Variants in NEB observed in about 807,000 individuals in gnomAD.
NEB encodes the protein nebulin.
In NEB, 512 loss-of-function variants were observed where a neutral mutation model predicts 952.2. The ratio of observed to expected loss-of-function variants is 0.54; its 90% CI spans 0.50 to 0.58. NEB has a LOEUF of 0.58. NEB is among the 20% of genes least tolerant of loss of function. The probability of loss-of-function intolerance (pLI) is 0.00; values close to 1 mark genes in which losing one functional copy is unlikely to be tolerated. For synonymous variants in NEB, 2,900 were observed against 3,149.8 expected, an observed-to-expected ratio of 0.92 and a Z score of 2.66; for missense variants, 8,428 against 9,231.1, an observed-to-expected ratio of 0.91 and a Z score of 3.56.
Position 151,521,339 on chromosome 2 carries a change from C to T in NEB, c.22480-1571G>A, listed in dbSNP as rs549721052. On this transcript the variant is annotated intron_variant, in intron 153 of 181. Coordinates refer to ENST00000397345, the MANE Select transcript of NEB (RefSeq NM_001164508.2). ...CATGATGCAGGCACACTGAGACACA[C>T]AAAGTAAAGGAAAAAGAAACGTAAA... Among the ~76,000 whole-genome samples the T allele has an allele frequency of 1.4e-3, 217 of 152,220 alleles. 1 individual carries two copies. The highest frequency in any genetic ancestry group is 5.0e-3 in the African/African-American group (207 of 41,534).
chr2:151,527,788 G>A (rs566270715), intron 146 of NEB, among the ~76,000 whole-genome samples: 347 of 152,266 alleles, frequency 2.3e-3, no homozygotes, highest in Admixed American at 3.6e-3. Flanking sequence ...CTGTGGTCCC[G>A]AAATAGAGGC....
Position 151,548,413 on chromosome 2 carries a change from G to T in NEB, c.20052C>A (p.Phe6684Leu), listed in dbSNP as rs750704829. 7.5e-6 allele frequency: 12 copies of T among 1,607,782 alleles called. No homozygotes were observed. The highest frequency in any genetic ancestry group is 9.4e-6 in the Non-Finnish European group (11 of 1,174,360). Residue 6684 changes from phenylalanine to leucine, a missense_variant and splice_region_variant, in exon 131 of 182, where the codon TTC (phenylalanine) becomes TTA (leucine). Physicochemically the swap from Phe to Leu is conservative, Grantham distance 22. Transcript: ENST00000397345. ...TGTGTTCATAGGCTTCTTTGTACTT[G>T]AACTGCAAAAGCAAAGTCAGAATGA... ...IKDTRYMSSY[F>L]KYKEAYEHTK...
intron 54 of NEB, among the ~76,000 whole-genome samples, chr2:151,648,495 T>C (rs542423844): frequency 1.1e-3 from 172 of 152,328 alleles, no homozygotes; most frequent in Non-Finnish European, 1.7e-3. Context: ...AGCAATTGCA[T>C]TGTGGTGAAG....
Position 151,631,054 on chromosome 2 carries a change from C to T in NEB, c.9618+89G>A, listed in dbSNP as rs760227684. 83 of 1,518,906 alleles carry T rather than the reference C, an allele frequency of 5.5e-5. 1 individual carries two copies. The East Asian group carries it at 1.1e-3, about 20-fold the overall frequency. The allele number at this position is 1,518,906 out of a possible 1,614,324, so 94.1% of individuals were successfully genotyped here. A position where few individuals can be genotyped will look rare whatever the true frequency, so the allele number is the denominator to read the frequency against. On this transcript the variant is annotated intron_variant, in intron 66 of 181. Transcript: ENST00000397345. ...TAAAAGGTAAAAATGCGACCCCACG[C>T]CTTCATAGATAATTTAGACTCCATT...
chr2:151,727,554 GC>G lies in NEB; in HGVS notation c.294+136del, dbSNP rs1208369619. The G allele has an allele frequency of 9.9e-6, 7 of 708,816 alleles. No individual in the cohort carries two copies. The Admixed American group carries it at 2.1e-4, about 21-fold the overall frequency. 43.9% of individuals were successfully genotyped at this position (708,816 alleles called of 1,614,324 possible). ...AAAGGAAAATTCAACAGTCACAAGAGCCTATAATTTGCAAAATAAGTTTTTG... is the reference window on the plus strand; with the variant it reads ...AAAGGAAAATTCAACAGTCACAAGAGCTATAATTTGCAAAATAAGTTTTTG... On this transcript the variant is annotated intron_variant, in intron 5 of 181. Transcript: ENST00000397345.
intron 153 of NEB, among the ~76,000 whole-genome samples, chr2:151,524,018 A>G (rs2083768127): frequency 6.6e-6 from 1 of 152,186 alleles, no homozygotes; most frequent in Non-Finnish European, 1.5e-5. Flanking sequence ...AGGCCTGGGG[A>G]GAGGTTCCAG....
intron 138 of NEB, among the ~76,000 whole-genome samples, chr2:151,539,733 C>T (rs998106629): frequency 7.2e-5 from 11 of 152,112 alleles, no homozygotes; most frequent in African/African-American, 1.9e-4. Flanking sequence ...GCCTTGCCCT[C>T]GATTGTGTGA....
intron 64 of NEB, among the ~76,000 whole-genome samples, chr2:151,634,376 G>T (rs1187723625): frequency 6.6e-6 from 1 of 152,144 alleles, no homozygotes; most frequent in East Asian, 1.9e-4. Context: ...GGGCACGGTG[G>T]CTCATGCCTG....
In NEB at chr2:151,501,436, AGTGACAG is replaced by A; in HGVS notation, c.23969_23975del (p.Pro7990LeufsTer153). ...TGAGTTTGACTCGCTCCATCTCAGG[AGTGACAG>A]GTAGGGGAGTCCCCTTGCTCAAGTT... On this transcript the variant is annotated frameshift_variant, in exon 168 of 182. Coordinates refer to ENST00000397345, the MANE Select transcript of NEB (RefSeq NM_001164508.2). LOFTEE classifies it high-confidence loss of function. 1 of 1,547,454 alleles carries A rather than the reference AGTGACAG, an allele frequency of 6.5e-7. No individual in the cohort carries two copies.
chr2:151,547,595 CT>C (rs1341977704), intron 132 of NEB, 38 bp downstream of exon 132: 2 of 1,604,114 alleles, frequency 1.2e-6, no homozygotes, highest in Middle Eastern at 3.3e-4. Flanking sequence ...ACATTCATCC[CT>C]AGTCTCTACT....
At chr2:151,647,751 A>G (rs1368232609) in intron 54 of NEB, among the ~76,000 whole-genome samples, 3 of 152,222 alleles carry the variant, frequency 2.0e-5, no homozygotes. Flanking sequence ...GCAAAGAAAC[A>G]GTGAGGAACT....
intron 141 of NEB, 117 bp downstream of exon 141, chr2:151,537,015 A>G (rs2093317646): frequency 1.2e-5 from 7 of 571,354 alleles, no homozygotes; most frequent in African/African-American, 1.9e-5. Context: ...CTCAGACTAT[A>G]AGGTCTAGAA....
chr2:151,626,872 G>T, intron 70 of NEB, 130 bp downstream of exon 70: 4 of 1,149,896 alleles, frequency 3.5e-6, no homozygotes, highest in East Asian at 5.0e-5. Flanking sequence ...ACAGAATAGA[G>T]AATTCAACTG....
Position 151,664,819 on chromosome 2 carries a change from A to G in NEB, c.5283T>C (p.His1761=). The change falls in exon 43 of 182, where the codon CAT becomes CAC. Residue 1761 remains histidine (H), a synonymous_variant. Coordinates refer to ENST00000397345, the MANE Select transcript of NEB (RefSeq NM_001164508.2). ...EKWNKDKTTI[H]VMPDTPDILL... is the part of the protein sequence containing the mutation. ...AAATATCCGGTGTGTCAGGCATGAC[A>G]TGAATGGTGGTCTTGTCCTTGTTCC... is the stretch of plus-strand genomic sequence containing the variant. 1 of 1,613,152 alleles carries G rather than the reference A, an allele frequency of 6.2e-7. No homozygotes were observed. Among genetic ancestry groups the G allele is most frequent in the South Asian group, 1.1e-5 (1 of 90,858 alleles).
chr2:151,512,900 A>G, intron 160 of NEB, 63 bp from the exon 161 acceptor site: 1 of 1,140,290 alleles, frequency 8.8e-7, no homozygotes, highest in Non-Finnish European at 1.3e-6. Flanking sequence ...TGTTGGCTTG[A>G]TTTGATTAAG....
At chr2:151,530,717 G>A (rs554622262) in intron 145 of NEB, 5 of 322,024 alleles carry the variant, frequency 1.6e-5, no homozygotes, top group Admixed American at 1.4e-4. Context: ...CCAGCTCCCA[G>A]CCCGCAGCCA....
intron 165 of NEB, 91 bp downstream of exon 165, chr2:151,505,387 C>G: frequency 8.8e-7 from 1 of 1,132,842 alleles, no homozygotes; most frequent in Non-Finnish European, 1.3e-6. Context: ...CATGGAAGCT[C>G]TTGATAGGAA....
chr2:151,667,717 G>T, intron 40 of NEB, 87 bp downstream of exon 40: 1 of 943,474 alleles, frequency 1.1e-6, no homozygotes, highest in South Asian at 1.8e-5. Flanking sequence ...TTTCTGTAGA[G>T]ACAGGGTCTT....
In NEB at chr2:151,506,983, T is replaced by C. The variant is rs1316958324; in HGVS notation, c.23482A>G (p.Lys7828Glu). The C allele has an allele frequency of 1.9e-6, 3 of 1,609,486 alleles. No individual in the cohort carries two copies. The highest frequency in any genetic ancestry group is 2.7e-5 in the African/African-American group (2 of 74,812). ...LQYQCDLKNS[K>E]GKITVVQDTP... ...TCTTGAACAACTGTAATTTTTCCTT[T>C]ACTGTTTTTAAGGTCACACTGGTAT... The change falls in exon 163 of 182, where the codon AAA (lysine) becomes GAA (glutamate). Residue 7828 changes from lysine (K) to glutamate (E), a missense_variant. By Grantham distance (56) the Lys-to-Glu change is moderately conservative. Transcript: ENST00000397345.
Sources: gnomAD v4.1 joint callset for allele counts (sites outside exome capture counted in the v4.1 genomes callset) on GRCh38, gnomAD v4.1.1 for gene constraint, MANE v1.5 for transcripts, NCBI Gene and HGNC (gene_info 2026-07-23, HGNC 2026-07-21) for gene names.